The following KIRREL3 variants were observed in gnomAD, a reference collection of about 807,000 sequenced individuals.
KIRREL3 encodes the protein kin of IRRE-like protein 3.
Under a neutral mutation model 89.7 loss-of-function variants are expected in KIRREL3, and 36 were observed. That is an observed-to-expected ratio of 0.40 (90% CI 0.31 to 0.53). The LOEUF is 0.53. Ranked by LOEUF, KIRREL3 falls within the 20% of genes least tolerant of loss-of-function variation. KIRREL3 has a pLI of 0.49. For missense variants in KIRREL3, 864 were observed against 1,056.6 expected, an observed-to-expected ratio of 0.82 and a Z score of 2.53; for synonymous variants, 445 against 441.4, an observed-to-expected ratio of 1.01 and a Z score of -0.10.
chr11:126,587,597 C>T lies in KIRREL3; in HGVS notation c.56-24685G>A, dbSNP rs368043691. Among the ~76,000 whole-genome samples, 17 of 152,302 alleles carry T rather than the reference C, an allele frequency of 1.1e-4. No homozygotes were observed. In the East Asian group the frequency reaches 2.1e-3, roughly 19 times the overall value. Reference sequence around the variant, plus strand: ...ATGCACCCAAACTGAAAGAGGAGCACGCAGCACCAATCCCTGAATCAAAAT... The same window carrying T: ...ATGCACCCAAACTGAAAGAGGAGCATGCAGCACCAATCCCTGAATCAAAAT... On this transcript the variant is annotated intron_variant, in intron 1 of 16. Coordinates refer to ENST00000525144, the MANE Select transcript of KIRREL3 (RefSeq NM_032531.4). The surrounding 1 kb of genome is among the most constrained non-coding windows in gnomAD (Gnocchi z 5.2).
chr11:126,447,791 T>C (rs1955879708), intron 8 of KIRREL3, among the ~76,000 whole-genome samples: 1 of 152,110 alleles, frequency 6.6e-6, no homozygotes, highest in African/African-American at 2.4e-5. Flanking sequence ...ATTAGTCCCC[T>C]GATGTAAAAA....
chr11:126,759,037 T>C (rs530950043), intron 1 of KIRREL3, among the ~76,000 whole-genome samples: 1 of 152,346 alleles, frequency 6.6e-6, no homozygotes, highest in South Asian at 2.1e-4. Flanking sequence ...GAGTGGGTCA[T>C]GTACACCCCA....
At chr11:126,945,644 A>G (rs947294092) in intron 1 of KIRREL3, among the ~76,000 whole-genome samples, 2 of 152,168 alleles carry the variant, frequency 1.3e-5, no homozygotes, top group African/African-American at 4.8e-5. Context: ...CAACAGACAG[A>G]TGTTCCCTCC....
intron 1 of KIRREL3, among the ~76,000 whole-genome samples, chr11:126,588,666 A>G (rs1941990343): frequency 6.6e-6 from 1 of 152,156 alleles, no homozygotes; most frequent in African/African-American, 2.4e-5. Context: ...TATATAATTT[A>G]CCAATTTATT....
Position 126,615,056 on chromosome 11 carries a change from T to C in KIRREL3, c.56-52144A>G, listed in dbSNP as rs561640078. The stretch of plus-strand genomic sequence containing the variant: ...AAAGGCTGTCATGTGGAAGAGGGAT[T>C]GGAGTGATTTGAGATGCTCTGGGGG... On this transcript the variant is annotated intron_variant, in intron 1 of 16. Coordinates refer to ENST00000525144, the MANE Select transcript of KIRREL3 (RefSeq NM_032531.4). This position sits in a 1 kb window ranked among gnomAD's most constrained non-coding sequence, Gnocchi z 5.4. Among the ~76,000 whole-genome samples the C allele has an allele frequency of 6.6e-6, 1 of 152,146 alleles. No homozygotes were observed. The highest frequency in any genetic ancestry group is 1.5e-5 in the Non-Finnish European group (1 of 67,982).
chr11:126,496,759 G>C lies in KIRREL3; in HGVS notation c.434-23293C>G, dbSNP rs1448232850. ...GCCTGCGTGCGAACTCAAGGCCTGA[G>C]GCTGTAGGCAGGGAGTCAGGGCTGG... On this transcript the variant is annotated intron_variant, in intron 4 of 16. Coordinates refer to ENST00000525144, the MANE Select transcript of KIRREL3 (RefSeq NM_032531.4). This position sits in a 1 kb window ranked among gnomAD's most constrained non-coding sequence, Gnocchi z 4.9. Among the ~76,000 whole-genome samples the C allele has an allele frequency of 6.6e-6, 1 of 152,122 alleles. No homozygotes were observed. Among genetic ancestry groups the C allele is most frequent in the Non-Finnish European group, 1.5e-5 (1 of 68,034 alleles).
rs1945401092 is a variant in KIRREL3 at position 126,879,098 on chromosome 11, T to A, written c.55+121357A>T. On this transcript the variant is annotated intron_variant, in intron 1 of 16. Transcript: ENST00000525144. This position sits in a 1 kb window ranked among gnomAD's most constrained non-coding sequence, Gnocchi z 5.4. ...GCCAACCGGCAATTACAATGGCATCTTTCTTCCCATCACTGACAGCAAAGG... is the reference window on the plus strand; with the variant it reads ...GCCAACCGGCAATTACAATGGCATCATTCTTCCCATCACTGACAGCAAAGG... Among the ~76,000 whole-genome samples, 1 of 152,210 alleles carries A rather than the reference T, an allele frequency of 6.6e-6. No homozygotes were observed. The highest frequency in any genetic ancestry group is 6.5e-5 in the Admixed American group (1 of 15,282).
In KIRREL3 at chr11:126,844,456, T is replaced by G. The variant is rs1944071287; in HGVS notation, c.55+155999A>C. Among the ~76,000 whole-genome samples the G allele has an allele frequency of 6.6e-6, 1 of 152,100 alleles. No individual in the cohort carries two copies. The highest frequency in any genetic ancestry group is 6.5e-5 in the Admixed American group (1 of 15,280). On this transcript the variant is annotated intron_variant, in intron 1 of 16. Coordinates refer to ENST00000525144, the MANE Select transcript of KIRREL3 (RefSeq NM_032531.4). This position sits in a 1 kb window ranked among gnomAD's most constrained non-coding sequence, Gnocchi z 4.8. Reference sequence around the variant, plus strand: ...ACCCAAAGGAAATAGACTGCAGCACTGATTGGCAGATTTTGGGTAGGTGGT... The same window carrying G: ...ACCCAAAGGAAATAGACTGCAGCACGGATTGGCAGATTTTGGGTAGGTGGT...
rs1940184737 is a variant in KIRREL3 at position 126,562,295 on chromosome 11, G to C, written c.133+540C>G. Among the ~76,000 whole-genome samples, 1 of 152,150 alleles carries C rather than the reference G, an allele frequency of 6.6e-6. No individual in the cohort carries two copies. The highest frequency in any genetic ancestry group is 6.5e-5 in the Admixed American group (1 of 15,272). ...CCCAATGAAGCCAGTGCAAGAGGAAGACAGAATGGCCTCTGAGTAAGAGGG... is the reference window on the plus strand; with the variant it reads ...CCCAATGAAGCCAGTGCAAGAGGAACACAGAATGGCCTCTGAGTAAGAGGG... On this transcript the variant is annotated intron_variant, in intron 2 of 16. Transcript: ENST00000525144. The surrounding 1 kb of genome is among the most constrained non-coding windows in gnomAD (Gnocchi z 4.7).
intron 1 of KIRREL3, among the ~76,000 whole-genome samples, chr11:126,937,884 G>A (rs775275081): frequency 2.0e-5 from 3 of 152,176 alleles, no homozygotes; most frequent in Non-Finnish European, 2.9e-5. Context: ...GGGCGACAGA[G>A]CGAGACTCCG....
In KIRREL3 at chr11:126,677,358, C is replaced by G. The variant is rs1167216092; in HGVS notation, c.56-114446G>C. Among the ~76,000 whole-genome samples, 1 of 152,194 alleles carries G rather than the reference C, an allele frequency of 6.6e-6. No individual in the cohort carries two copies. Among genetic ancestry groups the G allele is most frequent in the Non-Finnish European group, 1.5e-5 (1 of 68,042 alleles). ...GTATAAGTGGAACCATAGACTGTAA[C>G]TTTTTAGGATTGCACGTTCCCATCT... On this transcript the variant is annotated intron_variant, in intron 1 of 16. Transcript: ENST00000525144. The surrounding 1 kb of genome is among the most constrained non-coding windows in gnomAD (Gnocchi z 5.1).
rs553760668 is a variant in KIRREL3 at position 126,685,826 on chromosome 11, C to T, written c.56-122914G>A. Among the ~76,000 whole-genome samples, 28 of 152,336 alleles carry T rather than the reference C, an allele frequency of 1.8e-4. No homozygotes were observed. The highest frequency in any genetic ancestry group is 2.6e-4 in the African/African-American group (11 of 41,584). On this transcript the variant is annotated intron_variant, in intron 1 of 16. Coordinates refer to ENST00000525144, the MANE Select transcript of KIRREL3 (RefSeq NM_032531.4). The surrounding 1 kb of genome is among the most constrained non-coding windows in gnomAD (Gnocchi z 5.5). ...ATGTTTGCCAGAGTGGCTCCACGCCCCTTGGGGGCAGATGGCCGACCCACT... is the reference window on the plus strand; with the variant it reads ...ATGTTTGCCAGAGTGGCTCCACGCCTCTTGGGGGCAGATGGCCGACCCACT...
At chr11:126,798,031 C>G (rs1174830539) in intron 1 of KIRREL3, among the ~76,000 whole-genome samples, 1 of 152,118 alleles carries the variant, frequency 6.6e-6, no homozygotes, top group African/African-American at 2.4e-5. Context: ...TGGATTTCTG[C>G]TCCCCACTGT....
intron 1 of KIRREL3, among the ~76,000 whole-genome samples, chr11:126,573,722 CAGAGAGCT>C (rs1485939407): frequency 6.6e-6 from 1 of 152,154 alleles, no homozygotes; most frequent in Non-Finnish European, 1.5e-5. Context: ...TCTAGCTATC[CAGAGAGCT>C]AGATGGAGGC....
At chr11:126,688,197 C>A (rs1946740366) in intron 1 of KIRREL3, among the ~76,000 whole-genome samples, 1 of 152,224 alleles carries the variant, frequency 6.6e-6, no homozygotes, top group Non-Finnish European at 1.5e-5. Context: ...TCTCTGGCTA[C>A]CTCTTCACCC....
At chr11:126,828,170 A>G (rs916806368) in intron 1 of KIRREL3, among the ~76,000 whole-genome samples, 1 of 152,270 alleles carries the variant, frequency 6.6e-6, no homozygotes, top group Non-Finnish European at 1.5e-5. Flanking sequence ...CCGATTCTTC[A>G]TCACCCATGC....
At chr11:126,827,721 A>C (rs1440143121) in intron 1 of KIRREL3, among the ~76,000 whole-genome samples, 1 of 152,208 alleles carries the variant, frequency 6.6e-6, no homozygotes, top group Non-Finnish European at 1.5e-5. Context: ...ATGTAAGTTT[A>C]GGTGTGTCAT....
chr11:126,824,835 C>T (rs1019420628), intron 1 of KIRREL3, among the ~76,000 whole-genome samples: 6 of 152,096 alleles, frequency 3.9e-5, no homozygotes, highest in South Asian at 4.1e-4. Context: ...TCTTTTGTCC[C>T]GCACCTGTGA....
At chr11:126,826,276 C>T (rs919373295) in intron 1 of KIRREL3, among the ~76,000 whole-genome samples, 7 of 152,120 alleles carry the variant, frequency 4.6e-5, no homozygotes, top group Admixed American at 3.3e-4. Flanking sequence ...ACTGTCTGTC[C>T]GGAAAAATTT....
Sources: gnomAD v4.1 joint callset for allele counts (sites outside exome capture counted in the v4.1 genomes callset) on GRCh38, gnomAD v4.1.1 for gene constraint, Gnocchi (gnomAD v3.1) non-coding constraint, MANE v1.5 for transcripts, NCBI Gene and HGNC (gene_info 2026-07-23, HGNC 2026-07-21) for gene names.